The following NSG1 variants were observed in gnomAD, a reference collection of about 807,000 sequenced individuals.
NSG1 encodes the protein neuronal vesicle trafficking-associated protein 1.
In NSG1, 9 loss-of-function variants were observed where a neutral mutation model predicts 19.3. The ratio of observed to expected loss-of-function variants is 0.47; its 90% confidence interval spans 0.28 to 0.81. NSG1 has a LOEUF of 0.81. Ranked by LOEUF, NSG1 falls within the 40% of genes least tolerant of loss-of-function variation. The pLI is 0.11. For synonymous variants in NSG1, 104 were observed against 107.0 expected, an observed-to-expected ratio of 0.97 and a Z score of 0.17; for missense variants, 236 against 242.4, an observed-to-expected ratio of 0.97 and a Z score of 0.18.
At chr4:4,388,120 C>T (rs1722831021) in intron 2 of NSG1, among the ~76,000 whole-genome samples, 1 of 131,162 alleles carries the variant, frequency 7.6e-6, no homozygotes, top group South Asian at 2.5e-4. Context: ...AGCCTAGGGG[C>T]GGGCGAGGCT....
chr4:4,391,750 T>C (rs1723006400), intron 3 of NSG1, among the ~76,000 whole-genome samples, 159 bp downstream of exon 3: 1 of 152,254 alleles, frequency 6.6e-6, no homozygotes, highest in Admixed American at 6.5e-5. Context: ...TGCCAAGATG[T>C]TGTCCTTGTG....
At position 4,391,687 on chromosome 4, in the gene NSG1, G is replaced by A. The variant is rs754398100; in HGVS notation, c.246+96G>A. Reference sequence around the variant, plus strand: ...CCTGCAGGGAGGGCCAGGGTTTGACGCCGTTTGTCTGGGCTCATCCCAGCT... The same window carrying A: ...CCTGCAGGGAGGGCCAGGGTTTGACACCGTTTGTCTGGGCTCATCCCAGCT... On this transcript the variant is annotated intron_variant, in intron 3 of 4. Coordinates refer to ENST00000621129, the MANE Select transcript of NSG1 (RefSeq NM_014392.5). 423 of 753,366 alleles carry A rather than the reference G, an allele frequency of 5.6e-4. 2 individuals carry two copies. Among genetic ancestry groups the A allele is most frequent in the Non-Finnish European group, 8.3e-4 (383 of 463,952 alleles). The allele number at this position is 753,366 out of a possible 1,614,324, so 46.7% of individuals were successfully genotyped here. A position where few individuals can be genotyped will look rare whatever the true frequency, so the allele number is the denominator to read the frequency against.
chr4:4,404,740 G>A (rs1723762280), intron 3 of NSG1, among the ~76,000 whole-genome samples: 1 of 152,154 alleles, frequency 6.6e-6, no homozygotes, highest in African/African-American at 2.4e-5. Context: ...CAGGGACTTA[G>A]GAAAGTCTCC....
At chr4:4,401,654 G>C (rs7662361) in intron 3 of NSG1, among the ~76,000 whole-genome samples, 126,926 of 152,076 alleles carry the variant, frequency 0.83, 53,119 homozygotes, top group East Asian at 0.95. Context: ...CTGTGGGACC[G>C]TACAGCCCTG....
At chr4:4,414,689 A>G (rs1373637955) in intron 4 of NSG1, among the ~76,000 whole-genome samples, 1 of 152,170 alleles carries the variant, frequency 6.6e-6, no homozygotes, top group Non-Finnish European at 1.5e-5. Flanking sequence ...CAGTGGTTAG[A>G]GGGTGTACAG....
chr4:4,393,983 C>T (rs949322897), intron 3 of NSG1, among the ~76,000 whole-genome samples: 7 of 152,224 alleles, frequency 4.6e-5, no homozygotes, highest in African/African-American at 1.7e-4. Context: ...TGGCATCTAA[C>T]AGTGACGGAG....
chr4:4,398,010 G>A (rs926903963), intron 3 of NSG1, among the ~76,000 whole-genome samples: 1 of 152,094 alleles, frequency 6.6e-6, no homozygotes, highest in Non-Finnish European at 1.5e-5. Flanking sequence ...CTGGAGTGCA[G>A]TGGCACGATC....
Position 4,387,768 on chromosome 4 carries a change from C to CCCACGCCCCT in NSG1, c.129+16_129+25dup. The CCCACGCCCCT allele has an allele frequency of 6.3e-7, 1 of 1,593,892 alleles. No homozygotes were observed. On this transcript the variant is annotated intron_variant, in intron 2 of 4. Coordinates refer to ENST00000621129, the MANE Select transcript of NSG1 (RefSeq NM_014392.5). Reference sequence around the variant, plus strand: ...CCCGCCCCCGGATAAGGTAAGCCCCCCCACGCCCCTCCACGTTGCCGGGTG... The same window carrying CCCACGCCCCT: ...CCCGCCCCCGGATAAGGTAAGCCCCCCCACGCCCCTCCACGCCCCTCCACGTTGCCGGGTG...
intron 3 of NSG1, among the ~76,000 whole-genome samples, chr4:4,401,897 T>G (rs1723563760): frequency 6.6e-6 from 1 of 152,148 alleles, no homozygotes; most frequent in African/African-American, 2.4e-5. Context: ...TGATGATTTT[T>G]TGAGACAGGG....
intron 4 of NSG1, among the ~76,000 whole-genome samples, chr4:4,413,640 A>T (rs1181967178): frequency 2.0e-5 from 3 of 151,536 alleles, no homozygotes; most frequent in Non-Finnish European, 4.4e-5. Flanking sequence ...AGCCACAGGC[A>T]CAGGGAGGCG....
At chr4:4,411,958 T>C (rs1209304935) in intron 4 of NSG1, among the ~76,000 whole-genome samples, 1 of 152,152 alleles carries the variant, frequency 6.6e-6, no homozygotes, top group African/African-American at 2.4e-5. Context: ...TCAAGTATTA[T>C]GTTCTGTATG....
chr4:4,400,772 G>C (rs189379974), intron 3 of NSG1, among the ~76,000 whole-genome samples: 68 of 152,304 alleles, frequency 4.5e-4, no homozygotes, highest in Non-Finnish European at 7.9e-4. Context: ...GGACAGTGTG[G>C]TCTTGGGACA....
At chr4:4,403,112 ACTCG>A (rs1196548864) in intron 3 of NSG1, among the ~76,000 whole-genome samples, 110 of 151,368 alleles carry the variant, frequency 7.3e-4, no homozygotes, top group Middle Eastern at 3.4e-3. Context: ...TCACTCACTC[ACTCG>A]CTGAACGTGC....
At position 4,387,764 on chromosome 4, in the gene NSG1, C is replaced by A. The variant is rs1279463916; in HGVS notation, c.129+6C>A. The A allele has an allele frequency of 6.3e-7, 1 of 1,575,304 alleles. No homozygotes were observed. The highest frequency in any genetic ancestry group is 2.3e-5 in the East Asian group (1 of 44,386). ...AGTTCCCGCCCCCGGATAAGGTAAG[C>A]CCCCCCACGCCCCTCCACGTTGCCG... On this transcript the variant is annotated splice_donor_region_variant and intron_variant, in intron 2 of 4. Coordinates refer to ENST00000621129, the MANE Select transcript of NSG1 (RefSeq NM_014392.5).
intron 3 of NSG1, among the ~76,000 whole-genome samples, chr4:4,402,687 C>A (rs1295820233): frequency 6.6e-6 from 1 of 152,242 alleles, no homozygotes; most frequent in Non-Finnish European, 1.5e-5. Context: ...GGTGCCCGGC[C>A]TTTCTCCTTT....
chr4:4,394,564 G>A (rs866524696), intron 3 of NSG1, among the ~76,000 whole-genome samples: 1 of 152,114 alleles, frequency 6.6e-6, no homozygotes, highest in Non-Finnish European at 1.5e-5. Context: ...CTGGTGACCC[G>A]AGGAGGGGAA....
chr4:4,412,379 G>A (rs908304775), intron 4 of NSG1, among the ~76,000 whole-genome samples: 6 of 151,646 alleles, frequency 4.0e-5, no homozygotes, highest in African/African-American at 7.3e-5. Flanking sequence ...TTTAAAAGGC[G>A]CTCCAGGTGA....
At chr4:4,389,348 G>A (rs1361535546) in intron 2 of NSG1, among the ~76,000 whole-genome samples, 2 of 152,218 alleles carry the variant, frequency 1.3e-5, no homozygotes, top group East Asian at 3.8e-4. Context: ...TCCGAAGCGG[G>A]GCAGCCAGCA....
chr4:4,416,316 T>C (rs1401596624), intron 4 of NSG1, among the ~76,000 whole-genome samples: 1 of 152,180 alleles, frequency 6.6e-6, no homozygotes, highest in Admixed American at 6.5e-5. Context: ...GCACATTCCA[T>C]TTGTCATTTC....
Sources: gnomAD v4.1 joint callset for allele counts (sites outside exome capture counted in the v4.1 genomes callset) on GRCh38, gnomAD v4.1.1 for gene constraint, MANE v1.5 for transcripts, NCBI Gene and HGNC (gene_info 2026-07-23, HGNC 2026-07-21) for gene names.